KCNT2: variants seen among roughly 807,000 people sequenced by gnomAD.
The protein encoded by KCNT2 is potassium channel subfamily T member 2.
Under a neutral mutation model 153.8 loss-of-function variants are expected in KCNT2, and 67 were observed. The ratio of observed to expected loss-of-function variants is 0.44; its 90% CI spans 0.36 to 0.53. KCNT2 has a LOEUF of 0.53. Among genes scored for constraint, KCNT2 ranks in the 20% least tolerant of loss-of-function variants. KCNT2 has a pLI of 0.00. For missense variants in KCNT2, 975 were observed against 1,354.8 expected (o/e 0.72, Z 4.40); for synonymous variants, 500 against 458.8 (o/e 1.09, Z -1.15).
chr1:196,565,090 A>C (rs968603561), intron 1 of KCNT2, among the ~76,000 whole-genome samples: 40 of 151,812 alleles, frequency 2.6e-4, no homozygotes, highest in Non-Finnish European at 1.5e-5. Flanking sequence ...TAACATACAA[A>C]ATAAATAGAA....
At chr1:196,530,233 A>G (rs1654766428) in intron 1 of KCNT2, among the ~76,000 whole-genome samples, 2 of 151,990 alleles carry the variant, frequency 1.3e-5, no homozygotes, top group Admixed American at 6.6e-5. Flanking sequence ...GGCAAACAAA[A>G]TGTTAGGAGG....
chr1:196,344,514 G>A (rs1665969920), intron 14 of KCNT2, among the ~76,000 whole-genome samples: 1 of 152,016 alleles, frequency 6.6e-6, no homozygotes, highest in African/African-American at 2.4e-5. Context: ...TTTTTGTTTT[G>A]TACCACATTA....
chr1:196,419,587 T>TGGACATTTGGGTTGGTTCCAA (rs968752227), intron 12 of KCNT2, among the ~76,000 whole-genome samples: 1 of 151,774 alleles, frequency 6.6e-6, no homozygotes, highest in Non-Finnish European at 1.5e-5. Context: ...CTATCATTGT[T>TGGACATTTGGGTTGGTTCCAA]GGACATTTGG....
At chr1:196,326,154 C>T (rs1490946887) in intron 19 of KCNT2, among the ~76,000 whole-genome samples, 1 of 152,024 alleles carries the variant, frequency 6.6e-6, no homozygotes, top group African/African-American at 2.4e-5. Context: ...TTTTGAATTG[C>T]TTAAGTAGTC....
chr1:196,256,168 A>G (rs1009462880), intron 26 of KCNT2, among the ~76,000 whole-genome samples: 9 of 152,066 alleles, frequency 5.9e-5, no homozygotes, highest in African/African-American at 2.2e-4. Context: ...CCATGATCAT[A>G]AAGCAATAAT....
intron 1 of KCNT2, among the ~76,000 whole-genome samples, chr1:196,572,068 G>A (rs1660841004): frequency 6.6e-6 from 1 of 152,012 alleles, no homozygotes; most frequent in Non-Finnish European, 1.5e-5. Context: ...AGATTCTACT[G>A]AGAAATGCTC....
At chr1:196,451,176 T>C (rs926654707) in intron 8 of KCNT2, among the ~76,000 whole-genome samples, 1 of 149,282 alleles carries the variant, frequency 6.7e-6, no homozygotes, top group Non-Finnish European at 1.5e-5. Context: ...AATTAATAAA[T>C]ATTCGCATTG....
intron 8 of KCNT2, among the ~76,000 whole-genome samples, chr1:196,447,295 C>A (rs1175684407): frequency 6.6e-6 from 1 of 151,610 alleles, no homozygotes; most frequent in Admixed American, 6.6e-5. Context: ...AGACCCTGAA[C>A]TGAGTTGTCA....
intron 13 of KCNT2, among the ~76,000 whole-genome samples, chr1:196,395,637 C>A (rs1025253402): frequency 6.6e-6 from 1 of 151,494 alleles, no homozygotes; most frequent in African/African-American, 2.4e-5. Context: ...CTTGAAGAAG[C>A]CTGAGGTCAT....
chr1:196,528,856 A>G (rs749188611), intron 1 of KCNT2, among the ~76,000 whole-genome samples: 21 of 152,178 alleles, frequency 1.4e-4, no homozygotes, highest in Non-Finnish European at 1.8e-4. Flanking sequence ...AGAGAAAGCT[A>G]TTCTAATCAT....
intron 16 of KCNT2, among the ~76,000 whole-genome samples, chr1:196,334,505 A>G (rs1264381779): frequency 3.7e-5 from 1 of 26,876 alleles, no homozygotes; most frequent in South Asian, 2.2e-3. Flanking sequence ...TTTTTAAGAC[A>G]GAGTCTCGCT....
intron 22 of KCNT2, among the ~76,000 whole-genome samples, chr1:196,293,217 C>T (rs1425990963): frequency 6.6e-6 from 1 of 152,146 alleles, no homozygotes; most frequent in Non-Finnish European, 1.5e-5. Context: ...TTCAGATTTA[C>T]TGCAATCCTG....
intron 16 of KCNT2, among the ~76,000 whole-genome samples, chr1:196,338,790 G>A (rs1307731058): frequency 6.6e-6 from 1 of 151,686 alleles, no homozygotes. Context: ...CGATGATGTT[G>A]GTGGTGGACA....
At chr1:196,507,838 C>G (rs1681273629) in intron 1 of KCNT2, among the ~76,000 whole-genome samples, 1 of 151,932 alleles carries the variant, frequency 6.6e-6, no homozygotes, top group African/African-American at 2.4e-5. Flanking sequence ...ATAAAATAAT[C>G]TATAGATTCC....
chr1:196,562,139 C>T (rs906194698), intron 1 of KCNT2, among the ~76,000 whole-genome samples: 1 of 151,940 alleles, frequency 6.6e-6, no homozygotes, highest in Non-Finnish European at 1.5e-5. Flanking sequence ...GAATTCTCAA[C>T]AAAATGTAGA....
chr1:196,416,811 A>T (rs1672793793), intron 12 of KCNT2, among the ~76,000 whole-genome samples: 2 of 152,084 alleles, frequency 1.3e-5, no homozygotes, highest in South Asian at 4.1e-4. Flanking sequence ...TTAAATGTAC[A>T]ATTGAGTTAT....
At chr1:196,313,769 A>G (rs564837737) in intron 21 of KCNT2, among the ~76,000 whole-genome samples, 1 of 151,770 alleles carries the variant, frequency 6.6e-6, no homozygotes, top group African/African-American at 2.4e-5. Flanking sequence ...AAAGGAAAGA[A>G]CAGAGGTAAT....
chr1:196,395,399 C>T (rs548343794), intron 13 of KCNT2, among the ~76,000 whole-genome samples: 38 of 151,546 alleles, frequency 2.5e-4, no homozygotes, highest in African/African-American at 8.9e-4. Context: ...AGTTAGTTTT[C>T]CTCTAAACAA....
At chr1:196,388,288 G>A (rs1670169032) in intron 13 of KCNT2, among the ~76,000 whole-genome samples, 1 of 151,636 alleles carries the variant, frequency 6.6e-6, no homozygotes, top group Non-Finnish European at 1.5e-5. Context: ...ATAATTTCAT[G>A]CTGTCTTTAA....
Sources: allele counts gnomAD v4.1 joint callset (sites outside exome capture counted in the v4.1 genomes callset), GRCh38; gene constraint gnomAD v4.1.1; transcripts MANE v1.5; gene names NCBI Gene and HGNC (gene_info 2026-07-23, HGNC 2026-07-21).